Variants in NSD2 observed in about 807,000 individuals in gnomAD.
NSD2 encodes nuclear receptor binding SET domain protein 2.
Under a neutral mutation model 139.0 loss-of-function variants are expected in NSD2, and 12 were observed. The ratio of observed to expected loss-of-function variants is 0.09; its 90% confidence interval spans 0.06 to 0.14. NSD2 has a LOEUF of 0.14. Ranked by LOEUF, NSD2 falls within the 10% of genes least tolerant of loss-of-function variation. The probability of loss-of-function intolerance (pLI) is 1.00; values close to 1 mark genes in which losing one functional copy is unlikely to be tolerated. For missense variants in NSD2, 1,155 were observed against 1,745.0 expected, an observed-to-expected ratio of 0.66 and a Z score of 6.02; for synonymous variants, 669 against 648.7, an observed-to-expected ratio of 1.03 and a Z score of -0.48.
At chr4:1,939,226 T>G in intron 8 of NSD2, 1 of 160,516 alleles carries the variant, frequency 6.2e-6, no homozygotes, top group East Asian at 1.7e-4. Flanking sequence ...ACATGAGCAA[T>G]TGGACATTTG....
chr4:1,938,402 T>A, intron 7 of NSD2, 49 bp from the exon 8 acceptor site: 4 of 1,094,974 alleles, frequency 3.7e-6, no homozygotes, highest in African/African-American at 2.2e-5. Context: ...TTTTCTTTTC[T>A]TTTTTTTTTC....
rs201849959 is a variant in NSD2, at chr4:1,974,675, C to T, written c.3373-188C>T. 4 of 867,864 alleles carry T rather than the reference C, an allele frequency of 4.6e-6. No individual in the cohort carries two copies. The highest frequency in any genetic ancestry group is 7.8e-6 in the Non-Finnish European group (4 of 515,772). The allele number at this position is 867,864 out of a possible 1,614,324, so 53.8% of individuals were successfully genotyped here. On this transcript the variant is annotated intron_variant, in intron 18 of 21. Transcript: ENST00000508803. This position sits in a 1 kb window ranked among gnomAD's most constrained non-coding sequence, Gnocchi z 4.0. The stretch of plus-strand genomic sequence containing the variant: ...TCGGTCCTCTCCACGTGGTCCTGAC[C>T]TGTCCTCTGTGAGCAAGAGAAACAG...
intron 2 of NSD2, among the ~76,000 whole-genome samples, chr4:1,902,098 T>A (rs561725902): frequency 1.6e-4 from 24 of 152,344 alleles, no homozygotes; most frequent in African/African-American, 5.8e-4. Context: ...AGGGTGTTGC[T>A]TTTTAGTTGT....
rs1181975327 is a variant in NSD2 at position 1,882,069 on chromosome 4, A to G, written c.-30+10527A>G. Reference sequence around the variant, plus strand: ...CATGAATCTATTTGCTTTGGAAAGAAGATTCCTCAGATTGCTCTGTAGATT... The same window carrying G: ...CATGAATCTATTTGCTTTGGAAAGAGGATTCCTCAGATTGCTCTGTAGATT... On this transcript the variant is annotated intron_variant, in intron 1 of 21. Coordinates refer to ENST00000508803, the MANE Select transcript of NSD2 (RefSeq NM_001042424.3). Among the ~76,000 whole-genome samples the G allele has an allele frequency of 2.0e-5, 3 of 152,340 alleles. No homozygotes were observed. The East Asian group carries it at 5.8e-4, about 29-fold the overall frequency.
Position 1,942,997 on chromosome 4 carries a change from A to G in NSD2, c.1881+3219A>G. ...TTTAGAAAAAAATACCATTTACAGT[A>G]TTATTGTGAACCATTTAACCCTTTT... is the stretch of plus-strand genomic sequence containing the variant. On this transcript the variant is annotated intron_variant, in intron 9 of 21. Transcript: ENST00000508803. This position sits in a 1 kb window ranked among gnomAD's most constrained non-coding sequence, Gnocchi z 4.0. 9.5e-7 allele frequency: 1 copy of G among 1,051,038 alleles called. No homozygotes were observed. The highest frequency in any genetic ancestry group is 1.1e-6 in the Non-Finnish European group (1 of 870,244). 65.1% of individuals were successfully genotyped at this position (1,051,038 alleles called of 1,614,324 possible). A position where few individuals can be genotyped will look rare whatever the true frequency, so the allele number is the denominator to read the frequency against.
At chr4:1,885,542 A>T (rs1715022635) in intron 1 of NSD2, among the ~76,000 whole-genome samples, 1 of 152,180 alleles carries the variant, frequency 6.6e-6, no homozygotes, top group South Asian at 2.1e-4. Flanking sequence ...ATGTATTTTG[A>T]TAGGACCTTG....
At chr4:1,911,649 A>C (rs1260326687) in intron 3 of NSD2, among the ~76,000 whole-genome samples, 2 of 149,982 alleles carry the variant, frequency 1.3e-5, no homozygotes, top group Non-Finnish European at 3.0e-5. Context: ...GGAAGGGAGG[A>C]TTACTAATAA....
At chr4:1,911,276 T>A (rs1388787259) in intron 3 of NSD2, among the ~76,000 whole-genome samples, 2 of 152,080 alleles carry the variant, frequency 1.3e-5, no homozygotes, top group African/African-American at 4.8e-5. Flanking sequence ...AGATGGTGAT[T>A]AATGAACATC....
At chr4:1,963,707 A>G (rs1022069864) in intron 18 of NSD2, among the ~76,000 whole-genome samples, 1 of 152,234 alleles carries the variant, frequency 6.6e-6, no homozygotes, top group African/African-American at 2.4e-5. Context: ...CATACCTCAT[A>G]TATTTCCTAT....
chr4:1,915,851 G>A (rs1333981871), intron 3 of NSD2, among the ~76,000 whole-genome samples: 2 of 152,142 alleles, frequency 1.3e-5, no homozygotes, highest in African/African-American at 4.8e-5. Context: ...ACAGGGAGTG[G>A]TAACTGCCCC....
intron 1 of NSD2, among the ~76,000 whole-genome samples, chr4:1,876,792 A>G (rs1714295234): frequency 6.6e-6 from 1 of 152,146 alleles, no homozygotes; most frequent in Non-Finnish European, 1.5e-5. Flanking sequence ...TCAATTTTTA[A>G]GTTGACTTGA....
At chr4:1,919,900 C>T (rs1009400740) in intron 5 of NSD2, among the ~76,000 whole-genome samples, 1 of 151,966 alleles carries the variant, frequency 6.6e-6, no homozygotes, top group African/African-American at 2.4e-5. Context: ...TACACCACTG[C>T]ACTCCAGCCT....
At chr4:1,879,772 C>T (rs1004269484) in intron 1 of NSD2, among the ~76,000 whole-genome samples, 2 of 151,778 alleles carry the variant, frequency 1.3e-5, no homozygotes, top group African/African-American at 4.8e-5. Context: ...TCTGTGAAGC[C>T]TTTCCCTATT....
chr4:1,901,265 G>C lies in NSD2; in HGVS notation c.597+14G>C. On this transcript the variant is annotated intron_variant, in intron 2 of 21. Transcript: ENST00000508803. ...TCAGATAAAAAGGTATTTAGGAGAC[G>C]TTGTGTAAGGGGTCATGTGACCTTG... 6.5e-7 allele frequency: 1 copy of C among 1,545,920 alleles called. No homozygotes were observed. The highest frequency in any genetic ancestry group is 8.7e-7 in the Non-Finnish European group (1 of 1,151,796).
At chr4:1,925,502 G>A (rs1371346872) in intron 5 of NSD2, among the ~76,000 whole-genome samples, 1 of 138,410 alleles carries the variant, frequency 7.2e-6, no homozygotes, top group African/African-American at 2.7e-5. Flanking sequence ...GGGTTCAAGC[G>A]ATTCTCCTGC....
intron 18 of NSD2, among the ~76,000 whole-genome samples, chr4:1,968,511 AGTGGAAG>A (rs1209817732): frequency 1.3e-5 from 2 of 152,230 alleles, no homozygotes; most frequent in Non-Finnish European, 1.5e-5. Flanking sequence ...AATGAATAGA[AGTGGAAG>A]GTGTAACTTC....
chr4:1,963,980 G>A (rs371647047), intron 18 of NSD2, among the ~76,000 whole-genome samples: 13 of 152,276 alleles, frequency 8.5e-5, no homozygotes, highest in African/African-American at 2.9e-4. Flanking sequence ...CCTGGGGGAC[G>A]GAATGGGAAC....
intron 5 of NSD2, among the ~76,000 whole-genome samples, chr4:1,926,178 C>T (rs1417311932): frequency 1.5e-5 from 2 of 134,188 alleles, no homozygotes; most frequent in African/African-American, 2.9e-5. Flanking sequence ...TTTTTTAAGA[C>T]GTAGTCTCGC....
rs1156308003 is a variant in NSD2 at position 1,973,236 on chromosome 4, G to A, written c.3373-1627G>A. 6.6e-6 allele frequency among the ~76,000 whole-genome samples: 1 copy of A among 152,168 alleles called. No individual in the cohort carries two copies. Among genetic ancestry groups the A allele is most frequent in the Non-Finnish European group, 1.5e-5 (1 of 68,028 alleles). Reference sequence around the variant, plus strand: ...AAATAAAACAGGGTCAAGACATGGCGGGCAACCCACAGATGAAAACTGGCC... The same window carrying A: ...AAATAAAACAGGGTCAAGACATGGCAGGCAACCCACAGATGAAAACTGGCC... On this transcript the variant is annotated intron_variant, in intron 18 of 21. Transcript: ENST00000508803. The surrounding 1 kb of genome is among the most constrained non-coding windows in gnomAD (Gnocchi z 5.5).
Sources: allele counts gnomAD v4.1 joint callset (sites outside exome capture counted in the v4.1 genomes callset), GRCh38; gene constraint gnomAD v4.1.1; non-coding constraint Gnocchi (gnomAD v3.1); transcripts MANE v1.5; gene names NCBI Gene and HGNC (gene_info 2026-07-23, HGNC 2026-07-21).